Variants in ETNK2 observed in about 807,000 individuals in gnomAD.
The protein encoded by ETNK2 is ethanolamine kinase-like protein.
Under a neutral mutation model 46.2 loss-of-function variants are expected in ETNK2, and 33 were observed. That is an observed-to-expected ratio of 0.71 (90% confidence interval 0.54 to 0.96). The LOEUF is 0.96. Ranked by LOEUF, ETNK2 falls within the 40% of genes least tolerant of loss-of-function variation. The probability of loss-of-function intolerance (pLI) is 0.00; values close to 1 mark genes in which losing one functional copy is unlikely to be tolerated. For missense variants in ETNK2, 445 were observed against 509.7 expected (o/e 0.87, Z 1.22); for synonymous variants, 194 against 209.0 (o/e 0.93, Z 0.62).
At chr1:204,140,998 AT>A (rs570706376) in intron 4 of ETNK2, 45 of 389,004 alleles carry the variant, frequency 1.2e-4, no homozygotes, top group Non-Finnish European at 1.6e-4. Context: ...AGTTTTGTGT[AT>A]TTTTTTTGTA....
At chr1:204,142,151 A>C (rs927240815) in intron 3 of ETNK2, 1 of 152,472 alleles carries the variant, frequency 6.6e-6, no homozygotes, top group South Asian at 2.1e-4. Context: ...GCAAACTAAG[A>C]GCTTCTTTAG....
At chr1:204,143,680 T>C (rs983109597) in intron 3 of ETNK2, among the ~76,000 whole-genome samples, 8 of 152,154 alleles carry the variant, frequency 5.3e-5, no homozygotes, top group Non-Finnish European at 7.4e-5. Flanking sequence ...CTCCTGATAT[T>C]GGGACTGCTG....
chr1:204,131,892 T>G lies in ETNK2; in HGVS notation c.*292A>C. The G allele has an allele frequency of 7.1e-6, 3 of 422,154 alleles. No individual in the cohort carries two copies. The highest frequency in any genetic ancestry group is 8.2e-5 in the East Asian group (2 of 24,300). 26.2% of individuals were successfully genotyped at this position (422,154 alleles called of 1,614,324 possible). A position where few individuals can be genotyped will look rare whatever the true frequency, so the allele number is the denominator to read the frequency against. ...CAGCAGGGCCTGAGGCTGGGAATGATGTGTTTCCCAGGGGTGGTTATGGTT... is the reference window on the plus strand; with the variant it reads ...CAGCAGGGCCTGAGGCTGGGAATGAGGTGTTTCCCAGGGGTGGTTATGGTT... On this transcript the variant is annotated 3_prime_UTR_variant, in exon 8 of 8. Coordinates refer to ENST00000367202, the MANE Select transcript of ETNK2 (RefSeq NM_018208.4). This position sits in a 1 kb window ranked among gnomAD's most constrained non-coding sequence, Gnocchi z 4.3.
rs1423360315 is a variant in ETNK2, at chr1:204,131,772, T to C, written c.*412A>G. 1.3e-4 allele frequency: 28 copies of C among 211,172 alleles called. No individual in the cohort carries two copies. Among genetic ancestry groups the C allele is most frequent in the Non-Finnish European group, 2.2e-4 (23 of 102,784 alleles). The allele number at this position is 211,172 out of a possible 1,614,324, so 13.1% of individuals were successfully genotyped here. A position where few individuals can be genotyped will look rare whatever the true frequency, so the allele number is the denominator to read the frequency against. On this transcript the variant is annotated 3_prime_UTR_variant, in exon 8 of 8. Coordinates refer to ENST00000367202, the MANE Select transcript of ETNK2 (RefSeq NM_018208.4). The surrounding 1 kb of genome is among the most constrained non-coding windows in gnomAD (Gnocchi z 4.3). ...ATGGGGCATGCAGGGGGAGACGGACTGGAGGCTCAGGGCACTGGAGGTAGA... is the reference window on the plus strand; with the variant it reads ...ATGGGGCATGCAGGGGGAGACGGACCGGAGGCTCAGGGCACTGGAGGTAGA...
At position 204,137,112 on chromosome 1, in the gene ETNK2, A is replaced by C. The variant is rs762117921; in HGVS notation, c.1006T>G (p.Phe336Val). ...AGAAATAAGGCACTCACCAGGGCAA[A>C]CTTGTTGACTTGCACGTAGAGCCTT... Reference protein sequence around the residue: ...VQRLYVQVNKFALASHFFWAL... With the variant: ...VQRLYVQVNKVALASHFFWAL... The change falls in exon 6 of 8, where the codon TTT becomes GTT. Residue 336 changes from phenylalanine (F) to valine (V), a missense_variant. By Grantham distance (50) the Phe-to-Val change is conservative (BLOSUM62 -1). Transcript: ENST00000367202. The C allele has an allele frequency of 1.2e-6, 2 of 1,613,652 alleles. No individual in the cohort carries two copies. The highest frequency in any genetic ancestry group is 1.7e-6 in the Non-Finnish European group (2 of 1,179,714).
intron 7 of ETNK2, among the ~76,000 whole-genome samples, chr1:204,134,196 C>G (rs1288165695): frequency 6.6e-6 from 1 of 152,182 alleles, no homozygotes; most frequent in East Asian, 1.9e-4. Flanking sequence ...TGATTTTCAA[C>G]GATCCCATCC....
In ETNK2 at chr1:204,137,213, C is replaced by T. The variant is rs200305922; in HGVS notation, c.905G>A (p.Arg302Gln). Reference sequence around the variant, plus strand: ...GTGCAGCCACTGCAGCTGGGTCTCCCGCGCCGGGTACAGGCAGTAATCCAC... The same window carrying T: ...GTGCAGCCACTGCAGCTGGGTCTCCTGCGCCGGGTACAGGCAGTAATCCAC... ...NEVDYCLYPA[R>Q]ETQLQWLHYY... The change falls in exon 6 of 8, where the codon CGG becomes CAG. Residue 302 changes from arginine to glutamine, a missense_variant. By Grantham distance (43) the Arg-to-Gln change is conservative. Coordinates refer to ENST00000367202, the MANE Select transcript of ETNK2 (RefSeq NM_018208.4). 1.5e-4 allele frequency: 238 copies of T among 1,613,882 alleles called. No homozygotes were observed. In the Admixed American group the frequency reaches 3.3e-3, roughly 22 times the overall value.
intron 6 of ETNK2, among the ~76,000 whole-genome samples, chr1:204,135,184 C>T (rs1194127659): frequency 6.6e-6 from 1 of 152,156 alleles, no homozygotes; most frequent in Non-Finnish European, 1.5e-5. Flanking sequence ...CAAGAATCCC[C>T]CAAGTCTAGG....
intron 6 of ETNK2, 74 bp downstream of exon 6, chr1:204,137,027 TAGG>T: frequency 6.4e-7 from 1 of 1,566,008 alleles, no homozygotes. Flanking sequence ...GGGCTCTGGG[TAGG>T]AGGCTAGGTG....
intron 7 of ETNK2, 92 bp from the exon 8 acceptor site, chr1:204,132,348 G>A (rs1413118652): frequency 4.7e-6 from 4 of 856,456 alleles, no homozygotes; most frequent in Non-Finnish European, 7.8e-6. Context: ...GTTTTTCAGT[G>A]GCTCTAGGCC....
At position 204,151,454 on chromosome 1, in the gene ETNK2, C is replaced by T; in HGVS notation, c.258+141G>A. On this transcript the variant is annotated intron_variant, in intron 1 of 7. Transcript: ENST00000367202. The surrounding 1 kb of genome is among the most constrained non-coding windows in gnomAD (Gnocchi z 8.0). The stretch of plus-strand genomic sequence containing the variant: ...GGTAGCGACGAAATCAATCCGTACA[C>T]AAACCACGTTCCAAACCTTTCTTGC... The T allele has an allele frequency of 2.4e-6, 3 of 1,259,570 alleles. No individual in the cohort carries two copies. The highest frequency in any genetic ancestry group is 3.3e-6 in the Non-Finnish European group (3 of 911,156). The allele number at this position is 1,259,570 out of a possible 1,614,324, so 78.0% of individuals were successfully genotyped here. A position where few individuals can be genotyped will look rare whatever the true frequency, so the allele number is the denominator to read the frequency against.
At chr1:204,138,004 C>T (rs981971760) in intron 5 of ETNK2, among the ~76,000 whole-genome samples, 4 of 152,178 alleles carry the variant, frequency 2.6e-5, no homozygotes, top group African/African-American at 9.7e-5. Flanking sequence ...AGGACTGGGC[C>T]ACCTTCTCTA....
chr1:204,136,555 C>CA (rs1004419155), intron 6 of ETNK2, among the ~76,000 whole-genome samples: 7 of 150,758 alleles, frequency 4.6e-5, no homozygotes, highest in African/African-American at 9.7e-5. Flanking sequence ...ACTAAAAATA[C>CA]AAAAAAACTA....
At chr1:204,141,277 A>G in intron 4 of ETNK2, 38 bp downstream of exon 4, 1 of 1,613,874 alleles carries the variant, frequency 6.2e-7, no homozygotes, top group South Asian at 1.1e-5. Flanking sequence ...CCAACCAACC[A>G]AAACCCTGCT....
intron 3 of ETNK2, 27 bp downstream of exon 3, chr1:204,146,614 AG>A (rs775255519): frequency 6.2e-7 from 1 of 1,613,302 alleles, no homozygotes; most frequent in South Asian, 1.1e-5. Flanking sequence ...ATATTAAGGC[AG>A]CCTTGGACCC....
Position 204,141,371 on chromosome 1 carries a change from A to C in ETNK2, c.728T>G (p.Val243Gly), listed in dbSNP as rs1206877199. The change falls in exon 4 of 8, where the codon GTG becomes GGG. Residue 243 changes from valine to glycine, a missense_variant. Physicochemically the swap from Val to Gly is moderately radical, Grantham distance 109. Transcript: ENST00000367202. ...KEHLSQLESP[V>G]VFCHNDLLCK... ...GAGCAGGTCATTGTGACAAAACACCACAGGGGACTCCAGCTGGGACAGATG... is the reference window on the plus strand; with the variant it reads ...GAGCAGGTCATTGTGACAAAACACCCCAGGGGACTCCAGCTGGGACAGATG... The C allele has an allele frequency of 6.2e-7, 1 of 1,614,008 alleles. No homozygotes were observed. Among genetic ancestry groups the C allele is most frequent in the Admixed American group, 1.7e-5 (1 of 60,012 alleles).
intron 6 of ETNK2, 190 bp from the exon 7 acceptor site, chr1:204,134,778 A>C: frequency 7.6e-7 from 1 of 1,315,126 alleles, no homozygotes; most frequent in Non-Finnish European, 1.1e-6. Flanking sequence ...TGGCGCCTCC[A>C]CTCCTGCTAG....
At chr1:204,145,322 A>G (rs997776689) in intron 3 of ETNK2, among the ~76,000 whole-genome samples, 2 of 152,260 alleles carry the variant, frequency 1.3e-5, no homozygotes, top group African/African-American at 4.8e-5. Flanking sequence ...AGGAAGCTGC[A>G]GTATCAAGGA....
chr1:204,144,576 C>T (rs1657705418), intron 3 of ETNK2, among the ~76,000 whole-genome samples: 1 of 152,212 alleles, frequency 6.6e-6, no homozygotes, highest in African/African-American at 2.4e-5. Context: ...TTCCTAAAGC[C>T]CAGTCCTGGT....
Sources: gnomAD v4.1 joint callset for allele counts (sites outside exome capture counted in the v4.1 genomes callset) on GRCh38, gnomAD v4.1.1 for gene constraint, Gnocchi (gnomAD v3.1) non-coding constraint, MANE v1.5 for transcripts, NCBI Gene and HGNC (gene_info 2026-07-23, HGNC 2026-07-21) for gene names.